SLC11A2: variants seen among roughly 807,000 people sequenced by gnomAD.
SLC11A2 encodes natural resistance-associated macrophage protein 2.
Under a neutral mutation model 68.0 loss-of-function variants are expected in SLC11A2, and 38 were observed. The ratio of observed to expected loss-of-function variants is 0.56; its 90% CI spans 0.43 to 0.73. The LOEUF (loss-of-function observed/expected upper bound fraction) is 0.73. SLC11A2 is among the 30% of genes least tolerant of loss of function. The probability of loss-of-function intolerance (pLI) is 0.00; values close to 1 mark genes in which losing one functional copy is unlikely to be tolerated. For synonymous variants in SLC11A2, 242 were observed against 250.6 expected (o/e 0.97, Z 0.32); for missense variants, 517 against 690.5 (o/e 0.75, Z 2.82).
chr12:50,992,084 G>A (rs1012480071), intron 13 of SLC11A2, 106 bp downstream of exon 13: 35 of 1,102,892 alleles, frequency 3.2e-5, no homozygotes, highest in Admixed American at 2.7e-4. Flanking sequence ...CCATGCCTCT[G>A]TCTTCCTCTC....
chr12:50,987,030 G>C lies in SLC11A2; in HGVS notation c.*1295C>G. On this transcript the variant is annotated 3_prime_UTR_variant, in exon 16 of 16. Transcript: ENST00000262052. Reference sequence around the variant, plus strand: ...TTTGATTATTTATCTCCATCAAAGTGATTTGATTTGAGATAATCACACAAT... The same window carrying C: ...TTTGATTATTTATCTCCATCAAAGTCATTTGATTTGAGATAATCACACAAT... 1.6e-6 allele frequency: 2 copies of C among 1,286,002 alleles called. No individual in the cohort carries two copies. The highest frequency in any genetic ancestry group is 2.0e-6 in the Non-Finnish European group (2 of 988,124). 79.7% of individuals were successfully genotyped at this position (1,286,002 alleles called of 1,614,324 possible).
upstream of SLC11A2, chr12:51,026,559 C>T (rs1021650154): frequency 8.9e-6 from 3 of 335,370 alleles, no homozygotes; most frequent in East Asian, 1.1e-4. Flanking sequence ...CCTGGGGCAC[C>T]CGGCGGGAGC....
At chr12:50,990,560 C>A in intron 15 of SLC11A2, 1 of 495,588 alleles carries the variant, frequency 2.0e-6, no homozygotes, top group Non-Finnish European at 3.6e-6. Flanking sequence ...TTGTTATGTG[C>A]TCTTTTGGGT....
At chr12:50,981,952 G>A (rs554587336), downstream of SLC11A2, 13 of 503,790 alleles carry the variant, frequency 2.6e-5, no homozygotes, top group South Asian at 6.4e-5. Context: ...ATGGCTTACA[G>A]ATACATACAT....
intron 1 of SLC11A2, chr12:51,026,048 A>G: frequency 9.2e-7 from 1 of 1,084,442 alleles, no homozygotes; most frequent in Non-Finnish European, 1.1e-6. Context: ...CGCGGCGGGG[A>G]AGGGGCGAGA....
At chr12:51,005,739 G>C (rs1294075390) in intron 3 of SLC11A2, 2 of 1,270,546 alleles carry the variant, frequency 1.6e-6, no homozygotes, top group Non-Finnish European at 2.1e-6. Flanking sequence ...AAGGACAAGA[G>C]CCACCATTTT....
the SLC11A2 span, among the ~76,000 whole-genome samples, chr12:50,968,104 GGAGGAGGAGGAGGAGGAGGAGGAGAAT>G: frequency 3.7e-5 from 4 of 107,038 alleles, no homozygotes; most frequent in African/African-American, 1.2e-4. Context: ...AGAAGAAGAA[GGAGGAGGAGGAGGAGGAGGAGGAGAAT>G]GAGGAGGAGG....
intron 5 of SLC11A2, among the ~76,000 whole-genome samples, chr12:51,002,843 G>C (rs1350274135): frequency 6.6e-6 from 1 of 151,998 alleles, no homozygotes; most frequent in Non-Finnish European, 1.5e-5. Flanking sequence ...AGGAGGCTGA[G>C]GCAGGAGAAT....
intron 1 of SLC11A2, among the ~76,000 whole-genome samples, chr12:51,025,040 T>C (rs769468297): frequency 4.5e-4 from 69 of 152,146 alleles, no homozygotes; most frequent in Non-Finnish European, 6.6e-4. Flanking sequence ...AACACAGGTA[T>C]CACAATAAAT....
At chr12:50,952,710 C>T in the SLC11A2 span, among the ~76,000 whole-genome samples, 2,472 of 152,290 alleles carry the variant, frequency 0.016, 65 homozygotes, top group African/African-American at 0.056. Flanking sequence ...ATGGCCTTAC[C>T]GCCAGGTGAG....
At chr12:51,018,000 C>G (rs1456583593) in intron 1 of SLC11A2, among the ~76,000 whole-genome samples, 1 of 152,176 alleles carries the variant, frequency 6.6e-6, no homozygotes, top group Non-Finnish European at 1.5e-5. Context: ...CACATACTAG[C>G]TATAATAAAT....
intron 15 of SLC11A2, among the ~76,000 whole-genome samples, chr12:50,988,818 T>C (rs1435532718): frequency 2.0e-5 from 3 of 152,012 alleles, no homozygotes; most frequent in Non-Finnish European, 4.4e-5. Context: ...GCTCAAGCAA[T>C]CCTCTCTCCT....
chr12:51,019,579 C>A (rs1258652822), intron 1 of SLC11A2, among the ~76,000 whole-genome samples: 1 of 150,430 alleles, frequency 6.6e-6, no homozygotes. Flanking sequence ...TACTCTCCCT[C>A]TATTTTTCCA....
chr12:50,973,402 A>C, the SLC11A2 span, among the ~76,000 whole-genome samples: 1 of 152,198 alleles, frequency 6.6e-6, no homozygotes, highest in African/African-American at 2.4e-5. Flanking sequence ...GACCTCCAGA[A>C]AACTCTAACA....
chr12:50,954,278 A>G, the SLC11A2 span: 22 of 462,840 alleles, frequency 4.8e-5, no homozygotes, highest in Non-Finnish European at 8.4e-5. Flanking sequence ...AGTAAATGTT[A>G]GCTGTTATTT....
At chr12:51,026,692 G>A (rs905249167), upstream of SLC11A2, among the ~76,000 whole-genome samples, 4 of 152,080 alleles carry the variant, frequency 2.6e-5, no homozygotes, top group Non-Finnish European at 5.9e-5. Flanking sequence ...GTGGCGCCAC[G>A]TTAGGTACTG....
downstream of SLC11A2, among the ~76,000 whole-genome samples, chr12:50,983,749 G>C (rs1448184527): frequency 6.6e-6 from 1 of 151,896 alleles, no homozygotes; most frequent in South Asian, 2.1e-4. Flanking sequence ...GAGGTGGGTG[G>C]ATCATGAGGT....
At chr12:50,954,361 C>A in the SLC11A2 span, 8 of 334,968 alleles carry the variant, frequency 2.4e-5, no homozygotes, top group East Asian at 4.2e-4. Context: ...CCTAGCCAGT[C>A]AAATGGAATA....
downstream of SLC11A2, chr12:50,981,917 T>C: frequency 2.0e-6 from 1 of 511,670 alleles, no homozygotes. Flanking sequence ...TGTACTGCTA[T>C]ATTGATTTTT....
Sources: allele counts gnomAD v4.1 joint callset (sites outside exome capture counted in the v4.1 genomes callset), GRCh38; gene constraint gnomAD v4.1.1; transcripts MANE v1.5; gene names NCBI Gene and HGNC (gene_info 2026-07-23, HGNC 2026-07-21).